BAHCC1: variants seen among roughly 807,000 people sequenced by gnomAD.
BAHCC1 encodes BAH and coiled-coil domain-containing protein 1.
In BAHCC1, 43 loss-of-function variants were observed where a neutral mutation model predicts 88.2. The observed-to-expected ratio is 0.49, with a 90% CI of 0.38 to 0.63. The LOEUF is 0.63. Ranked by LOEUF, BAHCC1 falls within the 20% of genes least tolerant of loss-of-function variation. The pLI, the probability that BAHCC1 is intolerant of heterozygous loss-of-function variation, is 0.00. For synonymous variants in BAHCC1, 1,510 were observed against 745.5 expected, an observed-to-expected ratio of 2.03 and a Z score of -16.71; for missense variants, 3,023 against 1,654.8, an observed-to-expected ratio of 1.83 and a Z score of -14.34.
At chr17:81,423,006 C>T (rs1404424883) in intron 2 of BAHCC1, among the ~76,000 whole-genome samples, 2 of 152,196 alleles carry the variant, frequency 1.3e-5, no homozygotes, top group Non-Finnish European at 2.9e-5. Flanking sequence ...GCTGCCGGGC[C>T]TGTGGTCTGG....
At chr17:81,418,192 G>A (rs1192662570) in intron 2 of BAHCC1, among the ~76,000 whole-genome samples, 2 of 152,230 alleles carry the variant, frequency 1.3e-5, no homozygotes, top group Non-Finnish European at 2.9e-5. Context: ...GGCAGCAGGT[G>A]TGCAGTCGGG....
intron 17 of BAHCC1, 45 bp from the exon 18 acceptor site, chr17:81,458,120 C>T (rs1555657832): frequency 1.4e-6 from 1 of 712,978 alleles, no homozygotes. Flanking sequence ...CCAGCCGGGT[C>T]TCTAGGATGG....
rs782042112 is a variant in BAHCC1 at position 81,460,415 on chromosome 17, C to A, written c.6025+19C>A. The stretch of plus-strand genomic sequence containing the variant: ...ATCCAGTGTGAGCCTGGGAGCTGCA[C>A]GGGGCAGGGCCCTGCCTGGGCTCCA... On this transcript the variant is annotated intron_variant, in intron 24 of 27. Transcript: ENST00000675386. 4.0e-6 allele frequency: 3 copies of A among 747,668 alleles called. No homozygotes were observed. The highest frequency in any genetic ancestry group is 7.5e-6 in the Non-Finnish European group (3 of 402,106). 46.3% of individuals were successfully genotyped at this position (747,668 alleles called of 1,614,324 possible).
At chr17:81,458,763 ACCTGCACCCCG>A (rs781992798) in intron 19 of BAHCC1, 38 bp downstream of exon 19, 37 of 749,494 alleles carry the variant, frequency 4.9e-5, no homozygotes, top group African/African-American at 1.7e-4. Context: ...CTGTGCACCC[ACCTGCACCCCG>A]CCTGCACCCC....
In BAHCC1 at chr17:81,395,522, T is replaced by A. The variant is rs1230174273; in HGVS notation, c.-320T>A. On this transcript the variant is annotated 5_prime_UTR_variant, in exon 1 of 28. Transcript: ENST00000675386. Reference sequence around the variant, plus strand: ...GCTAGAGTCGTTGTTGTGGAAGCGGTGCATTTACAGTGCAACAGTCAGCAC... The same window carrying A: ...GCTAGAGTCGTTGTTGTGGAAGCGGAGCATTTACAGTGCAACAGTCAGCAC... The A allele has an allele frequency of 2.6e-5, 4 of 152,184 alleles. No individual in the cohort carries two copies. Among genetic ancestry groups the A allele is most frequent in the Non-Finnish European group, 5.9e-5 (4 of 68,034 alleles). The allele number at this position is 152,184 out of a possible 1,614,324, so 9.4% of individuals were successfully genotyped here. A position where few individuals can be genotyped will look rare whatever the true frequency, so the allele number is the denominator to read the frequency against.
chr17:81,427,617 C>G (rs1413892108), intron 3 of BAHCC1, among the ~76,000 whole-genome samples: 3 of 152,198 alleles, frequency 2.0e-5, no homozygotes, highest in African/African-American at 7.2e-5. Flanking sequence ...TGCTCAGACC[C>G]CTTGCCCTGC....
chr17:81,461,012 G>A lies in BAHCC1; in HGVS notation c.6349G>A (p.Gly2117Arg). ...GGTGGCAGCGGCCAGCAAGGGGCCGGGGGTGCTGCAGAACCTCTTCCAGCT... is the reference window on the plus strand; with the variant it reads ...GGTGGCAGCGGCCAGCAAGGGGCCGAGGGTGCTGCAGAACCTCTTCCAGCT... ...KAVAAASKGP[G>R]VLQNLFQLNG... is the part of the protein sequence containing the mutation. Residue 2117 changes from glycine to arginine, a missense_variant, in exon 26 of 28, where the codon GGG (glycine) becomes AGG (arginine). By Grantham distance (125) the Gly-to-Arg change is moderately radical. Transcript: ENST00000675386. The A allele has an allele frequency of 1.3e-6, 1 of 773,388 alleles. No homozygotes were observed. Among genetic ancestry groups the A allele is most frequent in the Non-Finnish European group, 2.4e-6 (1 of 417,168 alleles). The allele number at this position is 773,388 out of a possible 1,614,324, so 47.9% of individuals were successfully genotyped here.
chr17:81,409,165 C>T (rs782129409), intron 2 of BAHCC1, among the ~76,000 whole-genome samples: 6 of 152,204 alleles, frequency 3.9e-5, no homozygotes, highest in African/African-American at 9.6e-5. Context: ...CCACAGGCTG[C>T]GTGGGCACCT....
At chr17:81,408,563 G>A (rs8069598) in intron 2 of BAHCC1, among the ~76,000 whole-genome samples, 1,747 of 152,120 alleles carry the variant, frequency 0.011, 20 homozygotes, top group Middle Eastern at 0.068. Flanking sequence ...TGATCCCGGC[G>A]TCACATCCTC....
chr17:81,400,518 C>T (rs575145029), intron 2 of BAHCC1, among the ~76,000 whole-genome samples: 15 of 152,348 alleles, frequency 9.8e-5, no homozygotes, highest in African/African-American at 3.6e-4. Flanking sequence ...CCGCTAAAGC[C>T]GGACAAAGCG....
At position 81,452,030 on chromosome 17, in the gene BAHCC1, G is replaced by A. The variant is rs2064646590; in HGVS notation, c.4239G>A (p.Val1413=). ...ACACGCAGGAGGTGGGGATGCGCGT[G>A]CGGCTGGCGGAGCTGCAGCGGCGCT... The part of the protein sequence containing the change: ...RLDTQEVGMR[V]RLAELQRRYK... The change falls in exon 13 of 28, where the codon GTG becomes GTA. Residue 1413 remains valine (V), a synonymous_variant. Transcript: ENST00000675386. 6.4e-6 allele frequency: 4 copies of A among 628,760 alleles called. No individual in the cohort carries two copies. The highest frequency in any genetic ancestry group is 2.8e-5 in the Admixed American group (1 of 36,048). 38.9% of individuals were successfully genotyped at this position (628,760 alleles called of 1,614,324 possible). A position where few individuals can be genotyped will look rare whatever the true frequency, so the allele number is the denominator to read the frequency against.
In BAHCC1 at chr17:81,456,279, G is replaced by A; in HGVS notation, c.4570-18G>A. ...CAGAGGGCGCCCTGAGAGTGCAGCT[G>A]CCCCTCCCTGTTCACAGGAGAAGGC... On this transcript the variant is annotated intron_variant, in intron 15 of 27. Coordinates refer to ENST00000675386, the MANE Select transcript of BAHCC1 (RefSeq NM_001377448.1). 1 of 703,898 alleles carries A rather than the reference G, an allele frequency of 1.4e-6. No individual in the cohort carries two copies. The highest frequency in any genetic ancestry group is 1.5e-5 in the South Asian group (1 of 65,470). 43.6% of individuals were successfully genotyped at this position (703,898 alleles called of 1,614,324 possible). A position where few individuals can be genotyped will look rare whatever the true frequency, so the allele number is the denominator to read the frequency against.
Position 81,452,042 on chromosome 17 carries a change from G to T in BAHCC1, c.4251G>T (p.Glu1417Asp), listed in dbSNP as rs1197830140. 3 of 627,760 alleles carry T rather than the reference G, an allele frequency of 4.8e-6. No individual in the cohort carries two copies. Among genetic ancestry groups the T allele is most frequent in the Admixed American group, 5.6e-5 (2 of 35,914 alleles). The allele number at this position is 627,760 out of a possible 1,614,324, so 38.9% of individuals were successfully genotyped here. A position where few individuals can be genotyped will look rare whatever the true frequency, so the allele number is the denominator to read the frequency against. The part of the protein sequence containing the change: ...QEVGMRVRLA[E>D]LQRRYKEKQR... ...TGGGGATGCGCGTGCGGCTGGCGGA[G>T]CTGCAGCGGCGCTACAAGGAGAAGC... is the stretch of plus-strand genomic sequence containing the variant. Residue 1417 changes from glutamate (E) to aspartate (D), a missense_variant, in exon 13 of 28, where the codon GAG (glutamate) becomes GAT (aspartate). By Grantham distance (45) the Glu-to-Asp change is conservative. Transcript: ENST00000675386.
Position 81,461,545 on chromosome 17 carries a change from C to A in BAHCC1, c.6882C>A (p.Asp2294Glu), listed in dbSNP as rs1466464886. The A allele has an allele frequency of 2.8e-6, 2 of 725,686 alleles. No individual in the cohort carries two copies. The highest frequency in any genetic ancestry group is 5.1e-6 in the Non-Finnish European group (2 of 389,624). The allele number at this position is 725,686 out of a possible 1,614,324, so 45.0% of individuals were successfully genotyped here. ...GCGACTGCCACAGCTCCTTCTCGGA[C>A]GAGGACGAGGACGGGCCGGGGCTGG... ...YDSDCHSSFSDEDEDGPGLAA... is the reference protein window; with the variant it reads ...YDSDCHSSFSEEDEDGPGLAA... Residue 2294 changes from aspartate (D) to glutamate (E), a missense_variant, in exon 26 of 28, where the codon GAC (aspartate) becomes GAA (glutamate). Asp to Glu is a conservative substitution (Grantham distance 45, BLOSUM62 2). Transcript: ENST00000675386.
chr17:81,443,971 TC>T (rs1189352352), intron 6 of BAHCC1, 54 bp downstream of exon 6: 4 of 696,490 alleles, frequency 5.7e-6, no homozygotes, highest in Non-Finnish European at 7.9e-6. Flanking sequence ...GGCTTGGGGC[TC>T]CCCACTCAGA....
In BAHCC1 at chr17:81,416,498, T is replaced by TGC. The variant is rs71166138; in HGVS notation, c.179-10301_179-10300dup. Among the ~76,000 whole-genome samples the TGC allele has an allele frequency of 3.5e-3, 411 of 118,726 alleles. 12 individuals carry two copies. The highest frequency in any genetic ancestry group is 0.012 in the African/African-American group (342 of 27,668). 77.9% of individuals were successfully genotyped at this position (118,726 alleles called of 152,430 possible). ...GTGTGTGTCCATGAGGATGGGTGTG[T>TGC]GCATGTGTGCGTGTGTGTCCATGAG... On this transcript the variant is annotated intron_variant, in intron 2 of 27. Coordinates refer to ENST00000675386, the MANE Select transcript of BAHCC1 (RefSeq NM_001377448.1).
chr17:81,463,700 G>T lies in BAHCC1; in HGVS notation c.7710G>T (p.Glu2570Asp). ...AGGTCGTGGCGCGCGAGCAGTATGA[G>T]CAGATGGCCCGGAGCCGCAAGTGCC... ...KCQVVAREQYEQMARSRKCQD... is the reference protein window; with the variant it reads ...KCQVVAREQYDQMARSRKCQD... Residue 2570 changes from glutamate (E) to aspartate (D), a missense_variant, in exon 28 of 28, where the codon GAG becomes GAT. Coordinates refer to ENST00000675386, the MANE Select transcript of BAHCC1 (RefSeq NM_001377448.1). 1 of 779,660 alleles carries T rather than the reference G, an allele frequency of 1.3e-6. No individual in the cohort carries two copies. The highest frequency in any genetic ancestry group is 2.4e-6 in the Non-Finnish European group (1 of 417,900). The allele number at this position is 779,660 out of a possible 1,614,324, so 48.3% of individuals were successfully genotyped here.
intron 2 of BAHCC1, chr17:81,407,360 C>T (rs116128116): frequency 1.7e-4 from 91 of 520,068 alleles, no homozygotes; most frequent in African/African-American, 1.3e-3. Context: ...AGCCTGCTGG[C>T]GTCTTCAAGG....
chr17:81,401,403 C>T (rs550441884), intron 2 of BAHCC1: 2 of 152,734 alleles, frequency 1.3e-5, no homozygotes, highest in African/African-American at 4.8e-5. Flanking sequence ...TTTCTTTTTT[C>T]TCCTCTAGAT....
Sources: gnomAD v4.1 joint callset for allele counts (sites outside exome capture counted in the v4.1 genomes callset) on GRCh38, gnomAD v4.1.1 for gene constraint, MANE v1.5 for transcripts, NCBI Gene and HGNC (gene_info 2026-07-23, HGNC 2026-07-21) for gene names.